Variants in NR2C2 observed in about 807,000 individuals in gnomAD.
The protein encoded by NR2C2 is Nuclear hormone receptor TR4.
In NR2C2, 6 loss-of-function variants were observed where a neutral mutation model predicts 62.9. The observed-to-expected ratio is 0.10, with a 90% CI of 0.05 to 0.19. The LOEUF (loss-of-function observed/expected upper bound fraction) is 0.19, where lower values mean the gene tolerates loss of function less well. Among genes scored for constraint, NR2C2 ranks in the 10% least tolerant of loss-of-function variants. The pLI is 1.00. For synonymous variants in NR2C2, 272 were observed against 273.8 expected, an observed-to-expected ratio of 0.99 and a Z score of 0.07; for missense variants, 479 against 762.7, an observed-to-expected ratio of 0.63 and a Z score of 4.38.
In NR2C2 at chr3:15,043,961, T is replaced by G. The variant is rs1242769050; in HGVS notation, c.*953T>G. The G allele has an allele frequency of 2.0e-5, 3 of 152,228 alleles. No individual in the cohort carries two copies. Among genetic ancestry groups the G allele is most frequent in the Non-Finnish European group, 4.4e-5 (3 of 68,038 alleles). 9.4% of individuals were successfully genotyped at this position (152,228 alleles called of 1,614,324 possible). A position where few individuals can be genotyped will look rare whatever the true frequency, so the allele number is the denominator to read the frequency against. ...ACCAAAAAGTGCAAGGTGGGCATTT[T>G]GAGCTCTTGACAGTACTTCCAATAC... On this transcript the variant is annotated 3_prime_UTR_variant, in exon 14 of 14. Coordinates refer to ENST00000425241, the MANE Select transcript of NR2C2 (RefSeq NM_001291694.2).
intron 8 of NR2C2, among the ~76,000 whole-genome samples, 168 bp downstream of exon 8, chr3:15,028,887 A>G (rs1412267836): frequency 1.3e-5 from 2 of 152,242 alleles, no homozygotes; most frequent in Admixed American, 6.5e-5. Flanking sequence ...CTGTGGGAAC[A>G]TAGACCCACC....
rs562207621 is a variant in NR2C2 at position 15,043,097 on chromosome 3, ATAT to A, written c.*91_*93del. The stretch of plus-strand genomic sequence containing the variant: ...AGTAGTGGTATTTTGGTATGTGCAA[ATAT>A]TTCCATATGTTAGCCATTTCCTGTC... On this transcript the variant is annotated 3_prime_UTR_variant, in exon 14 of 14. Transcript: ENST00000425241. 1.8e-4 allele frequency: 222 copies of A among 1,255,712 alleles called. 2 individuals are homozygous for A. In the South Asian group the frequency reaches 3.8e-3, roughly 21 times the overall value. 77.8% of individuals were successfully genotyped at this position (1,255,712 alleles called of 1,614,324 possible).
At chr3:15,036,047 G>A (rs780600258) in intron 11 of NR2C2, among the ~76,000 whole-genome samples, 4 of 150,762 alleles carry the variant, frequency 2.7e-5, no homozygotes, top group Non-Finnish European at 4.4e-5. Context: ...AAAATTAGCC[G>A]GGCATGGTGG....
At chr3:15,037,355 G>A (rs771606486) in intron 11 of NR2C2, among the ~76,000 whole-genome samples, 7 of 152,082 alleles carry the variant, frequency 4.6e-5, no homozygotes, top group Admixed American at 3.9e-4. Flanking sequence ...AGAGAGGCAC[G>A]AGCCACCACA....
chr3:15,038,287 T>C (rs2042159265), intron 12 of NR2C2, 150 bp downstream of exon 12: 5 of 750,640 alleles, frequency 6.7e-6, no homozygotes, highest in Non-Finnish European at 1.0e-5. Flanking sequence ...GCTAGATAAA[T>C]ACATAAACGC....
intron 1 of NR2C2, among the ~76,000 whole-genome samples, chr3:14,967,134 T>G (rs2039881375): frequency 6.6e-6 from 1 of 152,148 alleles, no homozygotes; most frequent in Non-Finnish European, 1.5e-5. Flanking sequence ...GTTATCTAAT[T>G]TGTTGGTGTA....
chr3:14,964,510 A>T (rs111330418), intron 1 of NR2C2, among the ~76,000 whole-genome samples: 6 of 592 alleles, frequency 0.01, no homozygotes, highest in African/African-American at 0.04. Context: ...TTTCTATTTT[A>T]TATTTTTTAT....
rs538092960 is a variant in NR2C2 at position 15,000,907 on chromosome 3, C to T, written c.-39-2969C>T. 2.6e-3 allele frequency among the ~76,000 whole-genome samples: 395 copies of T among 151,200 alleles called. 4 individuals are homozygous for T. Among genetic ancestry groups the T allele is most frequent in the Non-Finnish European group, 3.6e-3 (243 of 67,808 alleles). ...TCGGCTCACTGCAAGCTCTGCCTCC[C>T]GGATTCACACCATTCTCCTGCCTCA... On this transcript the variant is annotated intron_variant, in intron 1 of 13. Coordinates refer to ENST00000425241, the MANE Select transcript of NR2C2 (RefSeq NM_001291694.2).
chr3:14,973,674 T>C (rs1222707170), intron 1 of NR2C2, among the ~76,000 whole-genome samples: 3 of 152,372 alleles, frequency 2.0e-5, no homozygotes, highest in African/African-American at 7.2e-5. Flanking sequence ...GAACCATTTG[T>C]TAAAAAGACT....
intron 1 of NR2C2, among the ~76,000 whole-genome samples, chr3:14,980,263 G>A (rs577682953): frequency 7.9e-5 from 12 of 151,032 alleles, no homozygotes; most frequent in African/African-American, 2.7e-4. Context: ...CAGTCCTCCC[G>A]CCTCAGCCTT....
intron 1 of NR2C2, among the ~76,000 whole-genome samples, chr3:14,990,686 G>A (rs896820266): frequency 1.3e-5 from 2 of 152,206 alleles, no homozygotes; most frequent in African/African-American, 4.8e-5. Context: ...CATTGGCATG[G>A]TAAGTGTGAG....
chr3:14,966,280 A>G (rs1392897140), intron 1 of NR2C2, among the ~76,000 whole-genome samples: 2 of 152,256 alleles, frequency 1.3e-5, no homozygotes, highest in African/African-American at 4.8e-5. Context: ...TTGCTCTCCC[A>G]GAGCTCTCTA....
chr3:15,038,837 G>T, intron 12 of NR2C2: 1 of 311,094 alleles, frequency 3.2e-6, no homozygotes. Context: ...TTAAAACTAT[G>T]TGTTTTCTAG....
rs1277653427 is a variant in NR2C2 at position 15,016,017 on chromosome 3, G to A, written c.274-135G>A. On this transcript the variant is annotated intron_variant, in intron 3 of 13. Transcript: ENST00000425241. ...GGGTTTCACCATGTTAGTCAGGCTG[G>A]TCTCGAACTCCCGACCTCAAGTGAT... 27 of 632,460 alleles carry A rather than the reference G, an allele frequency of 4.3e-5. No individual in the cohort carries two copies. In the East Asian group the frequency reaches 7.7e-4, roughly 18 times the overall value. The allele number at this position is 632,460 out of a possible 1,614,324, so 39.2% of individuals were successfully genotyped here.
chr3:14,996,428 C>T (rs1188719806), intron 1 of NR2C2, among the ~76,000 whole-genome samples: 4 of 152,198 alleles, frequency 2.6e-5, no homozygotes, highest in East Asian at 1.9e-4. Context: ...AGGTTTGTGA[C>T]AGTATCAGTT....
In NR2C2 at chr3:15,039,140, G is replaced by A; in HGVS notation, c.1529G>A (p.Ser510Asn). 9 of 1,613,834 alleles carry A rather than the reference G, an allele frequency of 5.6e-6. No homozygotes were observed. The highest frequency in any genetic ancestry group is 7.6e-6 in the Non-Finnish European group (9 of 1,179,810). Residue 510 changes from serine to asparagine, a missense_variant, in exon 13 of 14, where the codon AGC (serine) becomes AAC (asparagine). This residue lies in a region of NR2C2 where 162 missense variants were observed against 296.8 expected (regional missense o/e 0.55). Transcript: ENST00000425241. ...LFSPDHPGLT[S>N]TSQIEKFQEK... ...TTTTCAGATCATCCAGGTTTGACCA[G>A]CACAAGCCAGATTGAAAAATTCCAA...
At position 15,034,778 on chromosome 3, in the gene NR2C2, T is replaced by C. The variant is rs1281622237; in HGVS notation, c.1341T>C (p.Ile447=). The C allele has an allele frequency of 1.2e-6, 2 of 1,613,740 alleles. No homozygotes were observed. Among genetic ancestry groups the C allele is most frequent in the South Asian group, 1.1e-5 (1 of 90,992 alleles). Residue 447 remains isoleucine, a synonymous_variant, in exon 11 of 14, where the codon ATT becomes ATC. Transcript: ENST00000425241. ...VMSLSTILAA[I]VNHLQNSIQE... is the part of the protein sequence containing the mutation. ...GTCTCTCCACCATCCTGGCTGCCAT[T>C]GTCAACCACCTGCAGAACAGCATCC...
At position 15,018,883 on chromosome 3, in the gene NR2C2, C is replaced by T. The variant is rs1032325805; in HGVS notation, c.377-1870C>T. Among the ~76,000 whole-genome samples, 10 of 151,618 alleles carry T rather than the reference C, an allele frequency of 6.6e-5. No individual in the cohort carries two copies. In the East Asian group the frequency reaches 1.4e-3, roughly 21 times the overall value. On this transcript the variant is annotated intron_variant, in intron 4 of 13. Coordinates refer to ENST00000425241, the MANE Select transcript of NR2C2 (RefSeq NM_001291694.2). ...TACAAAAATTAGCTGGGTGTGGTAG[C>T]GGGTTCCTGTAATCCCAGCTACTTG... is the stretch of plus-strand genomic sequence containing the variant.
At chr3:14,996,600 T>C (rs1259829655) in intron 1 of NR2C2, among the ~76,000 whole-genome samples, 1 of 152,236 alleles carries the variant, frequency 6.6e-6, no homozygotes, top group Non-Finnish European at 1.5e-5. Flanking sequence ...AGACGGAGTC[T>C]CGCTCTGTCC....
Sources: gnomAD v4.1 joint callset for allele counts (sites outside exome capture counted in the v4.1 genomes callset) on GRCh38, gnomAD v4.1.1 for gene constraint, gnomAD v4.1.1 regional missense constraint, MANE v1.5 for transcripts, NCBI Gene and HGNC (gene_info 2026-07-23, HGNC 2026-07-21) for gene names.